CRADD: variants seen among roughly 807,000 people sequenced by gnomAD.
The protein encoded by CRADD is death domain-containing protein CRADD.
Under a neutral mutation model 15.5 loss-of-function variants are expected in CRADD, and 9 were observed. That is an observed-to-expected ratio of 0.58 (90% CI 0.35 to 1.01). The LOEUF (loss-of-function observed/expected upper bound fraction) is 1.01. Ranked by LOEUF, CRADD falls within the 50% of genes least tolerant of loss-of-function variation. The pLI, the probability that CRADD is intolerant of heterozygous loss-of-function variation, is 0.02. For missense variants in CRADD, 227 were observed against 250.3 expected (o/e 0.91, Z 0.63); for synonymous variants, 118 against 107.6 (o/e 1.10, Z -0.60).
chr12:93,833,801 A>T (rs1327941187), intron 2 of CRADD, among the ~76,000 whole-genome samples: 2 of 146,880 alleles, frequency 1.4e-5, no homozygotes, highest in African/African-American at 5.0e-5. Context: ...AGAGATAAGA[A>T]CTTGCTGGTT....
intron 2 of CRADD, among the ~76,000 whole-genome samples, chr12:93,771,787 A>G (rs1009522277): frequency 1.3e-5 from 2 of 152,338 alleles, no homozygotes; most frequent in Admixed American, 6.5e-5. Flanking sequence ...GGTTCTAGAC[A>G]TGACCTCACT....
chr12:93,806,116 A>G (rs755874281), intron 2 of CRADD, among the ~76,000 whole-genome samples: 1 of 152,096 alleles, frequency 6.6e-6, no homozygotes, highest in Non-Finnish European at 1.5e-5. Context: ...AGTGGCTGAA[A>G]ATGTCAGTTA....
At chr12:93,698,914 C>G (rs10745659) in intron 2 of CRADD, among the ~76,000 whole-genome samples, 55,348 of 152,026 alleles carry the variant, frequency 0.36, 11,285 homozygotes, top group East Asian at 0.58. Context: ...CACAATACAC[C>G]AGCAGGGCAG....
intron 2 of CRADD, among the ~76,000 whole-genome samples, chr12:93,825,976 C>G (rs1957819199): frequency 6.6e-6 from 1 of 152,184 alleles, no homozygotes; most frequent in Admixed American, 6.5e-5. Flanking sequence ...TTTTGGAATT[C>G]TGTGCTTTTA....
chr12:93,851,497 ATG>A (rs2137051642), downstream of CRADD, among the ~76,000 whole-genome samples: 1 of 152,290 alleles, frequency 6.6e-6, no homozygotes, highest in African/African-American at 2.4e-5. Flanking sequence ...GGTCTTTGTG[ATG>A]ATTAAAGCAA....
chr12:93,818,851 G>T (rs1289108479), intron 2 of CRADD, among the ~76,000 whole-genome samples: 1 of 152,200 alleles, frequency 6.6e-6, no homozygotes, highest in Non-Finnish European at 1.5e-5. Flanking sequence ...CTCGTGAGAG[G>T]CGGCCTGGCC....
chr12:93,742,500 C>CG lies in CRADD; in HGVS notation c.298+63434dup, dbSNP rs918878540. The stretch of plus-strand genomic sequence containing the variant: ...AGCGCGGGGAGGCGGCGCCGACTGC[C>CG]GGGGGGCGCCTGCAAGACCTGTTTA... On this transcript the variant is annotated intron_variant, in intron 2 of 2. Transcript: ENST00000332896. 1.1e-4 allele frequency among the ~76,000 whole-genome samples: 17 copies of CG among 150,462 alleles called. 1 individual carries two copies. Among genetic ancestry groups the CG allele is most frequent in the Admixed American group, 1.1e-3 (17 of 15,170 alleles).
chr12:93,820,949 A>G (rs2137018724), intron 2 of CRADD, among the ~76,000 whole-genome samples: 1 of 152,360 alleles, frequency 6.6e-6, no homozygotes, highest in Middle Eastern at 3.4e-3. Flanking sequence ...AACATGCTCT[A>G]GAGTAGATCA....
chr12:93,843,037 T>C (rs1012398898), intron 2 of CRADD, among the ~76,000 whole-genome samples: 38 of 152,164 alleles, frequency 2.5e-4, no homozygotes, highest in African/African-American at 8.9e-4. Context: ...AAATTCCCAT[T>C]TGGGATTTTT....
In CRADD at chr12:93,872,925, T is replaced by C. The variant is rs192623188; in HGVS notation, c.299-21125T>C. 2.6e-4 allele frequency among the ~76,000 whole-genome samples: 40 copies of C among 152,288 alleles called. 1 individual carries two copies. The highest frequency in any genetic ancestry group is 9.1e-4 in the African/African-American group (38 of 41,562). ...TAGTTCTATATAAATTTTAGGATTT[T>C]TTTTCTATTTCTGTGAAGAATATCA... On this transcript the variant is annotated intron_variant, in intron 2 of 2. Coordinates refer to the CRADD transcript ENST00000548483.
chr12:93,808,974 G>T (rs1957586902), intron 2 of CRADD, among the ~76,000 whole-genome samples: 1 of 152,082 alleles, frequency 6.6e-6, no homozygotes, highest in Admixed American at 6.6e-5. Flanking sequence ...GAGTGCAATG[G>T]CGCCTTCTTG....
intron 2 of CRADD, among the ~76,000 whole-genome samples, chr12:93,686,820 G>T (rs1322054205): frequency 1.3e-5 from 2 of 152,066 alleles, no homozygotes; most frequent in Non-Finnish European, 1.5e-5. Context: ...TTTTTCTGCT[G>T]CGCAATCTTG....
At chr12:93,712,947 C>A (rs1458397274) in intron 2 of CRADD, among the ~76,000 whole-genome samples, 1 of 152,080 alleles carries the variant, frequency 6.6e-6, no homozygotes, top group Non-Finnish European at 1.5e-5. Context: ...ATAAAGACTC[C>A]CTGACTTCAG....
intron 2 of CRADD, among the ~76,000 whole-genome samples, chr12:93,755,533 C>T (rs1956880251): frequency 1.3e-5 from 2 of 152,328 alleles, no homozygotes; most frequent in Non-Finnish European, 2.9e-5. Context: ...AAACCTAGGG[C>T]TCCCAACATA....
intron 2 of CRADD, among the ~76,000 whole-genome samples, chr12:93,891,047 C>A (rs1368360257): frequency 2.6e-5 from 4 of 152,016 alleles, no homozygotes; most frequent in Non-Finnish European, 2.9e-5. Flanking sequence ...CCACGCCTAG[C>A]CCAATGTATT....
At chr12:93,874,669 AT>A (rs1565945842) in intron 2 of CRADD, among the ~76,000 whole-genome samples, 1 of 151,926 alleles carries the variant, frequency 6.6e-6, no homozygotes, top group African/African-American at 2.4e-5. Context: ...TAATTTCTTC[AT>A]TGACCCACTG....
intron 2 of CRADD, among the ~76,000 whole-genome samples, chr12:93,801,578 T>C (rs1165480990): frequency 6.6e-6 from 1 of 152,200 alleles, no homozygotes; most frequent in African/African-American, 2.4e-5. Flanking sequence ...TTTGTATTTT[T>C]AGTAGAAATG....
chr12:93,781,255 A>G (rs1164523650), intron 2 of CRADD, among the ~76,000 whole-genome samples: 2 of 152,292 alleles, frequency 1.3e-5, no homozygotes, highest in South Asian at 4.1e-4. Flanking sequence ...ACAAAATTCT[A>G]AAGACACAAG....
At chr12:93,829,336 T>C (rs574673911) in intron 2 of CRADD, among the ~76,000 whole-genome samples, 22 of 152,244 alleles carry the variant, frequency 1.4e-4, no homozygotes, top group Non-Finnish European at 3.2e-4. Context: ...TTTCTACCAT[T>C]ATCTGGTACA....
Sources: gnomAD v4.1 joint callset for allele counts (sites outside exome capture counted in the v4.1 genomes callset) on GRCh38, gnomAD v4.1.1 for gene constraint, MANE v1.5 for transcripts, NCBI Gene and HGNC (gene_info 2026-07-23, HGNC 2026-07-21) for gene names.